Variants in PLXDC2 observed in about 807,000 individuals in gnomAD.
The protein encoded by PLXDC2 is plexin domain-containing protein 2.
Under a neutral mutation model 68.9 loss-of-function variants are expected in PLXDC2, and 40 were observed. That is an observed-to-expected ratio of 0.58 (90% CI 0.45 to 0.76). PLXDC2 has a LOEUF of 0.76. Among genes scored for constraint, PLXDC2 ranks in the 30% least tolerant of loss-of-function variants. The pLI is 0.00. For synonymous variants in PLXDC2, 243 were observed against 234.2 expected, an observed-to-expected ratio of 1.04 and a Z score of -0.34; for missense variants, 644 against 661.9, an observed-to-expected ratio of 0.97 and a Z score of 0.30.
At chr10:19,945,910 A>G (rs1240984659) in intron 1 of PLXDC2, among the ~76,000 whole-genome samples, 1 of 152,178 alleles carries the variant, frequency 6.6e-6, no homozygotes, top group Non-Finnish European at 1.5e-5. Context: ...GAGGACTGGA[A>G]ATATATTTTC....
At chr10:19,903,172 G>A (rs2131368768) in intron 1 of PLXDC2, among the ~76,000 whole-genome samples, 1 of 152,128 alleles carries the variant, frequency 6.6e-6, no homozygotes, top group Middle Eastern at 3.4e-3. Flanking sequence ...TTTGGTATTA[G>A]GGTGATACTG....
At chr10:19,893,504 A>C (rs184153969) in intron 1 of PLXDC2, among the ~76,000 whole-genome samples, 1 of 152,318 alleles carries the variant, frequency 6.6e-6, no homozygotes, top group Admixed American at 6.5e-5. Flanking sequence ...AAATACATTG[A>C]GAGAAGTTTT....
chr10:20,178,055 G>A (rs2131827183), intron 9 of PLXDC2, among the ~76,000 whole-genome samples: 1 of 152,146 alleles, frequency 6.6e-6, no homozygotes, highest in South Asian at 2.1e-4. Context: ...CAGAAAGCAT[G>A]TTATGAGATA....
chr10:19,986,118 G>A (rs1294697124), intron 1 of PLXDC2, among the ~76,000 whole-genome samples: 1 of 152,164 alleles, frequency 6.6e-6, no homozygotes, highest in Admixed American at 6.5e-5. Flanking sequence ...AATTTACATC[G>A]AATTGAGGAG....
intron 6 of PLXDC2, among the ~76,000 whole-genome samples, chr10:20,161,666 G>A (rs983043924): frequency 2.6e-5 from 4 of 151,766 alleles, no homozygotes; most frequent in Non-Finnish European, 5.9e-5. Context: ...AGGAAGGAAA[G>A]AGATTGAGGA....
At chr10:20,252,306 T>C (rs1458564912) in intron 13 of PLXDC2, among the ~76,000 whole-genome samples, 1 of 152,186 alleles carries the variant, frequency 6.6e-6, no homozygotes, top group African/African-American at 2.4e-5. Context: ...GAAATCTGAG[T>C]ACAAAAAATA....
intron 7 of PLXDC2, among the ~76,000 whole-genome samples, chr10:20,173,379 T>G (rs937812711): frequency 6.6e-6 from 1 of 152,222 alleles, no homozygotes; most frequent in African/African-American, 2.4e-5. Context: ...GTGAATGTTA[T>G]GCTTTCAAGA....
chr10:19,971,417 G>T (rs1010782357), intron 1 of PLXDC2, among the ~76,000 whole-genome samples: 1 of 152,164 alleles, frequency 6.6e-6, no homozygotes, highest in Non-Finnish European at 1.5e-5. Flanking sequence ...CTACAGGCTA[G>T]TTATTGTTTC....
intron 2 of PLXDC2, among the ~76,000 whole-genome samples, chr10:20,019,667 C>T (rs1052015943): frequency 2.0e-5 from 3 of 152,162 alleles, no homozygotes; most frequent in Non-Finnish European, 2.9e-5. Flanking sequence ...CATGTGAGGA[C>T]ACAGTGGGAA....
chr10:20,058,534 T>C (rs998734717), intron 3 of PLXDC2, among the ~76,000 whole-genome samples: 3 of 152,226 alleles, frequency 2.0e-5, no homozygotes, highest in South Asian at 2.1e-4. Context: ...CCTAGCATAG[T>C]GTCCAAGATA....
intron 1 of PLXDC2, among the ~76,000 whole-genome samples, chr10:19,831,537 A>T (rs1836692640): frequency 6.6e-6 from 1 of 152,104 alleles, no homozygotes; most frequent in South Asian, 2.1e-4. Context: ...TCACCCAGGT[A>T]GTAAGCTTAG....
At chr10:20,231,646 GC>G (rs1442113204) in intron 12 of PLXDC2, among the ~76,000 whole-genome samples, 5 of 151,418 alleles carry the variant, frequency 3.3e-5, no homozygotes, top group Non-Finnish European at 3.0e-5. Flanking sequence ...ACAGTCATAA[GC>G]TTTTTTTTTG....
At chr10:20,270,316 T>A (rs1322318575) in intron 13 of PLXDC2, among the ~76,000 whole-genome samples, 1 of 152,150 alleles carries the variant, frequency 6.6e-6, no homozygotes, top group East Asian at 1.9e-4. Context: ...TTATATTCGA[T>A]TCCCAGTACT....
chr10:19,890,578 C>T (rs542276700), intron 1 of PLXDC2, among the ~76,000 whole-genome samples: 14 of 144,572 alleles, frequency 9.7e-5, no homozygotes, highest in Non-Finnish European at 1.6e-4. Flanking sequence ...GGTTTCACCG[C>T]GTTAGCCAGG....
chr10:20,262,092 T>C (rs1016533400), intron 13 of PLXDC2, among the ~76,000 whole-genome samples: 5 of 151,866 alleles, frequency 3.3e-5, no homozygotes, highest in Non-Finnish European at 7.4e-5. Flanking sequence ...CCACAGAGAA[T>C]GAAGAAAAGC....
At chr10:20,228,088 G>A (rs1214281670) in intron 12 of PLXDC2, among the ~76,000 whole-genome samples, 1 of 152,126 alleles carries the variant, frequency 6.6e-6, no homozygotes. Flanking sequence ...GGTAAGCAGT[G>A]AATTTAATTT....
At chr10:20,089,017 C>A (rs945714400) in intron 4 of PLXDC2, among the ~76,000 whole-genome samples, 2 of 152,162 alleles carry the variant, frequency 1.3e-5, no homozygotes, top group African/African-American at 4.8e-5. Flanking sequence ...CATCTGTCTT[C>A]TTTCAGCAGT....
chr10:19,978,324 A>C (rs1345944883), intron 1 of PLXDC2, among the ~76,000 whole-genome samples: 1 of 152,116 alleles, frequency 6.6e-6, no homozygotes, highest in African/African-American at 2.4e-5. Flanking sequence ...TATTATCTCT[A>C]TAGACTAAAT....
intron 3 of PLXDC2, among the ~76,000 whole-genome samples, chr10:20,067,578 T>C (rs990471752): frequency 1.3e-5 from 2 of 151,854 alleles, no homozygotes; most frequent in Non-Finnish European, 2.9e-5. Context: ...TCCCAGCTAC[T>C]TGGGAGGTTG....
Sources: allele counts gnomAD v4.1 joint callset (sites outside exome capture counted in the v4.1 genomes callset), GRCh38; gene constraint gnomAD v4.1.1; transcripts MANE v1.5; gene names NCBI Gene and HGNC (gene_info 2026-07-23, HGNC 2026-07-21).